CHCHD3: variants seen among roughly 807,000 people sequenced by gnomAD.
CHCHD3 encodes the protein coiled-coil-helix-coiled-coil-helix domain containing 3.
A neutral mutation model predicts 38.2 loss-of-function variants in CHCHD3; 20 were observed. That is an observed-to-expected ratio of 0.52 (90% CI 0.37 to 0.76). The LOEUF is 0.76. Among genes scored for constraint, CHCHD3 ranks in the 30% least tolerant of loss-of-function variants. The pLI is 0.00. For missense variants in CHCHD3, 245 were observed against 279.2 expected (o/e 0.88, Z 0.87); for synonymous variants, 82 against 100.0 (o/e 0.82, Z 1.07).
chr7:133,058,532 G>A (rs1344374638), intron 2 of CHCHD3, among the ~76,000 whole-genome samples: 2 of 152,152 alleles, frequency 1.3e-5, no homozygotes, highest in African/African-American at 4.8e-5. Flanking sequence ...ACAAAACAAT[G>A]TTTTTGGGGG....
intron 4 of CHCHD3, among the ~76,000 whole-genome samples, chr7:132,921,716 G>T (rs1810268026): frequency 6.6e-6 from 1 of 152,182 alleles, no homozygotes; most frequent in Non-Finnish European, 1.5e-5. Flanking sequence ...CAAGTGTTTG[G>T]AATTCTGAAT....
At chr7:132,940,422 T>C (rs1810735872) in intron 4 of CHCHD3, among the ~76,000 whole-genome samples, 1 of 152,184 alleles carries the variant, frequency 6.6e-6, no homozygotes, top group Non-Finnish European at 1.5e-5. Context: ...ACACTGTGAA[T>C]CCCTGATTAA....
intron 3 of CHCHD3, among the ~76,000 whole-genome samples, chr7:132,985,569 T>A (rs1316872273): frequency 2.7e-5 from 1 of 37,326 alleles, no homozygotes. Context: ...TCAGCCCCCC[T>A]CCCGGCCAGC....
In CHCHD3 at chr7:132,868,197, T is replaced by C. The variant is rs191501584; in HGVS notation, c.453+17465A>G. On this transcript the variant is annotated intron_variant, in intron 5 of 7. Transcript: ENST00000262570. ...AAAAGGCCTAACTAACCAATATTCG[T>C]TGCTTTTTGCTTTTTAGGTAGAAGC... is the stretch of plus-strand genomic sequence containing the variant. Among the ~76,000 whole-genome samples, 26 of 152,324 alleles carry C rather than the reference T, an allele frequency of 1.7e-4. No homozygotes were observed. In the South Asian group the frequency reaches 3.5e-3, roughly 21 times the overall value.
intron 5 of CHCHD3, among the ~76,000 whole-genome samples, chr7:132,877,564 A>C (rs552998131): frequency 6.6e-6 from 1 of 152,362 alleles, no homozygotes; most frequent in African/African-American, 2.4e-5. Context: ...AAGTGCATTT[A>C]CTTAAACTAT....
intron 6 of CHCHD3, among the ~76,000 whole-genome samples, chr7:132,837,511 A>T (rs549836079): frequency 1.3e-5 from 2 of 152,352 alleles, no homozygotes; most frequent in Admixed American, 6.5e-5. Flanking sequence ...TTTAATTTTT[A>T]AAAAATTTTA....
At chr7:132,980,832 G>A (rs367780709) in intron 3 of CHCHD3, among the ~76,000 whole-genome samples, 14 of 152,080 alleles carry the variant, frequency 9.2e-5, no homozygotes, top group Admixed American at 9.2e-4. Flanking sequence ...CTATATTTTA[G>A]TCCCAGGGTA....
At chr7:133,075,545 A>T (rs1008414453) in intron 1 of CHCHD3, among the ~76,000 whole-genome samples, 1 of 152,160 alleles carries the variant, frequency 6.6e-6, no homozygotes, top group Non-Finnish European at 1.5e-5. Context: ...CTCTGAGCTG[A>T]CCTTCCCATT....
At chr7:133,037,394 G>A (rs1813710005) in intron 2 of CHCHD3, among the ~76,000 whole-genome samples, 1 of 152,100 alleles carries the variant, frequency 6.6e-6, no homozygotes, top group African/African-American at 2.4e-5. Flanking sequence ...TAAAAAACAT[G>A]CTTTAAACCC....
intron 4 of CHCHD3, among the ~76,000 whole-genome samples, chr7:132,911,448 A>T (rs962017903): frequency 2.6e-5 from 4 of 152,204 alleles, no homozygotes; most frequent in African/African-American, 9.7e-5. Flanking sequence ...CCAGAATGCA[A>T]ATGGGTCAAG....
intron 3 of CHCHD3, among the ~76,000 whole-genome samples, chr7:132,982,583 C>A (rs1473469185): frequency 6.6e-6 from 1 of 152,198 alleles, no homozygotes; most frequent in Non-Finnish European, 1.5e-5. Flanking sequence ...CCACACCCAG[C>A]CTAAATTCAT....
At chr7:132,824,300 C>G (rs1807451565) in intron 6 of CHCHD3, among the ~76,000 whole-genome samples, 1 of 146,030 alleles carries the variant, frequency 6.8e-6, no homozygotes, top group Non-Finnish European at 1.5e-5. Flanking sequence ...AAAATATTCC[C>G]AAGTAGTAGA....
intron 3 of CHCHD3, among the ~76,000 whole-genome samples, chr7:133,015,706 G>A (rs891794888): frequency 3.3e-5 from 5 of 152,150 alleles, no homozygotes; most frequent in East Asian, 1.9e-4. Flanking sequence ...ATTCAAATCC[G>A]AGCCCCACCA....
chr7:132,938,120 T>C (rs1810674751), intron 4 of CHCHD3, among the ~76,000 whole-genome samples: 1 of 152,232 alleles, frequency 6.6e-6, no homozygotes, highest in South Asian at 2.1e-4. Context: ...AACACAGCTA[T>C]TGTTCTAATT....
chr7:132,929,928 A>G (rs1810476213), intron 4 of CHCHD3, among the ~76,000 whole-genome samples: 1 of 152,178 alleles, frequency 6.6e-6, no homozygotes, highest in Non-Finnish European at 1.5e-5. Flanking sequence ...TGATGGCTGT[A>G]ATGACAACAG....
intron 7 of CHCHD3, among the ~76,000 whole-genome samples, chr7:132,787,655 T>A (rs1485659570): frequency 6.6e-6 from 1 of 152,038 alleles, no homozygotes; most frequent in South Asian, 2.1e-4. Context: ...AATTTAAAAA[T>A]GATTGAAATT....
intron 4 of CHCHD3, among the ~76,000 whole-genome samples, chr7:132,949,616 T>A (rs544829191): frequency 6.6e-6 from 1 of 152,258 alleles, no homozygotes; most frequent in Admixed American, 6.5e-5. Context: ...CAATAATTTT[T>A]AAAAGTAACA....
intron 2 of CHCHD3, among the ~76,000 whole-genome samples, chr7:133,056,744 G>T (rs1029296154): frequency 1.3e-5 from 2 of 152,186 alleles, no homozygotes; most frequent in African/African-American, 4.8e-5. Flanking sequence ...AAGAAAAAAA[G>T]AAAAGGATAC....
At chr7:132,984,543 G>A (rs62465315) in intron 3 of CHCHD3, among the ~76,000 whole-genome samples, 1 of 146,392 alleles carries the variant, frequency 6.8e-6, no homozygotes, top group Admixed American at 6.8e-5. Flanking sequence ...GATGTGAGGA[G>A]CCCCTCTGCC....
Sources: allele counts gnomAD v4.1 joint callset (sites outside exome capture counted in the v4.1 genomes callset), GRCh38; gene constraint gnomAD v4.1.1; transcripts MANE v1.5; gene names NCBI Gene and HGNC (gene_info 2026-07-23, HGNC 2026-07-21).